The following COL25A1 variants were observed in gnomAD, a reference collection of about 807,000 sequenced individuals.
The protein encoded by COL25A1 is collagen alpha-1(XXV) chain.
A neutral mutation model predicts 128.4 loss-of-function variants in COL25A1; 103 were observed. The ratio of observed to expected loss-of-function variants is 0.80; its 90% CI spans 0.68 to 0.94. COL25A1 has a LOEUF of 0.94. COL25A1 is among the 40% of genes least tolerant of loss of function. COL25A1 has a pLI of 0.00. For synonymous variants in COL25A1, 279 were observed against 277.2 expected (o/e 1.01, Z -0.06); for missense variants, 745 against 840.0 (o/e 0.89, Z 1.40).
At chr4:109,000,649 G>A (rs1755253004) in intron 6 of COL25A1, among the ~76,000 whole-genome samples, 1 of 149,188 alleles carries the variant, frequency 6.7e-6, no homozygotes, top group Admixed American at 6.8e-5. Flanking sequence ...AGGAGGCTGA[G>A]GCAGGAGAAT....
At chr4:108,843,187 GAAGA>G (rs1734669854) in intron 30 of COL25A1, among the ~76,000 whole-genome samples, 1 of 146,256 alleles carries the variant, frequency 6.8e-6, no homozygotes, top group South Asian at 2.2e-4. Context: ...GAAGAAGAAA[GAAGA>G]AAGAAGAAGG....
intron 3 of COL25A1, among the ~76,000 whole-genome samples, chr4:109,132,071 A>G (rs1435320114): frequency 1.3e-5 from 2 of 152,184 alleles, no homozygotes; most frequent in African/African-American, 2.4e-5. Context: ...GAAAAATATT[A>G]GGTTTGAAAA....
chr4:109,034,700 G>A (rs1429486412), intron 5 of COL25A1, among the ~76,000 whole-genome samples: 1 of 152,136 alleles, frequency 6.6e-6, no homozygotes, highest in African/African-American at 2.4e-5. Context: ...ATATCCTTCT[G>A]AAAGATTCTT....
At chr4:109,044,518 C>G (rs1350885060) in intron 5 of COL25A1, among the ~76,000 whole-genome samples, 1 of 152,032 alleles carries the variant, frequency 6.6e-6, no homozygotes, top group Non-Finnish European at 1.5e-5. Flanking sequence ...TATTGGAGCA[C>G]ATTTCATAAT....
intron 30 of COL25A1, among the ~76,000 whole-genome samples, chr4:108,842,338 C>A (rs1241669278): frequency 1.3e-5 from 2 of 152,100 alleles, no homozygotes; most frequent in African/African-American, 4.8e-5. Flanking sequence ...TTCCTCAAAG[C>A]TCTTGTAATA....
At chr4:108,995,944 G>A (rs1202402178) in intron 6 of COL25A1, among the ~76,000 whole-genome samples, 3 of 152,082 alleles carry the variant, frequency 2.0e-5, no homozygotes, top group Non-Finnish European at 4.4e-5. Flanking sequence ...CACCAGGCCT[G>A]CCTTACAAAA....
At chr4:108,973,115 A>G (rs1752084955) in intron 8 of COL25A1, among the ~76,000 whole-genome samples, 1 of 152,190 alleles carries the variant, frequency 6.6e-6, no homozygotes, top group African/African-American at 2.4e-5. Context: ...GTAGAAAGAA[A>G]TGATACTCGA....
intron 6 of COL25A1, among the ~76,000 whole-genome samples, chr4:108,995,283 T>C (rs551075008): frequency 2.4e-4 from 37 of 152,306 alleles, no homozygotes; most frequent in Non-Finnish European, 4.4e-4. Context: ...AATGACCTGA[T>C]GGAGCTGAAA....
At chr4:109,251,412 T>C (rs923425002) in intron 3 of COL25A1, among the ~76,000 whole-genome samples, 3 of 152,178 alleles carry the variant, frequency 2.0e-5, no homozygotes, top group African/African-American at 4.8e-5. Flanking sequence ...GTTATTATAG[T>C]TTTCCATTGA....
chr4:108,890,755 T>G (rs1303401077), intron 16 of COL25A1, among the ~76,000 whole-genome samples: 1 of 152,182 alleles, frequency 6.6e-6, no homozygotes, highest in Non-Finnish European at 1.5e-5. Context: ...GGGGCCCATT[T>G]CCTTGTTCTA....
Position 109,179,218 on chromosome 4 carries a change from C to T in COL25A1, c.367+121365G>A, listed in dbSNP as rs375163980. 1.9e-4 allele frequency among the ~76,000 whole-genome samples: 29 copies of T among 152,282 alleles called. No individual in the cohort carries two copies. In the South Asian group the frequency reaches 5.6e-3, roughly 29 times the overall value. ...CTATTAAATCAACATCTCTGAGATGCCTCCAAGCTGGCAAGAGAAGCACAT... is the reference window on the plus strand; with the variant it reads ...CTATTAAATCAACATCTCTGAGATGTCTCCAAGCTGGCAAGAGAAGCACAT... On this transcript the variant is annotated intron_variant, in intron 3 of 37. Coordinates refer to ENST00000399132, the MANE Select transcript of COL25A1 (RefSeq NM_198721.4).
intron 5 of COL25A1, among the ~76,000 whole-genome samples, chr4:109,020,506 TGGG>T (rs70949064): frequency 0.19 from 23,203 of 123,812 alleles, 2,551 homozygotes; most frequent in African/African-American, 0.31. Context: ...GAGATTATTA[TGGG>T]GGGGGGGGGG....
intron 3 of COL25A1, among the ~76,000 whole-genome samples, chr4:109,061,720 T>G (rs1381768853): frequency 6.6e-6 from 1 of 152,194 alleles, no homozygotes; most frequent in East Asian, 1.9e-4. Context: ...CCAACTGAGT[T>G]TCATTGCCTC....
chr4:108,952,355 G>A (rs1400881359), intron 8 of COL25A1, among the ~76,000 whole-genome samples: 1 of 151,718 alleles, frequency 6.6e-6, no homozygotes, highest in Non-Finnish European at 1.5e-5. Context: ...TTCATGAAAT[G>A]AAAAAAATTC....
chr4:109,016,977 G>A (rs1420914114), intron 5 of COL25A1, among the ~76,000 whole-genome samples: 1 of 152,214 alleles, frequency 6.6e-6, no homozygotes, highest in African/African-American at 2.4e-5. Context: ...CATGTTGCGA[G>A]CACCAGAAAA....
At chr4:109,046,971 G>A (rs777713073) in intron 5 of COL25A1, among the ~76,000 whole-genome samples, 1 of 152,180 alleles carries the variant, frequency 6.6e-6, no homozygotes, top group Non-Finnish European at 1.5e-5. Context: ...GCTCAGAGCT[G>A]ACAAGATAAT....
In COL25A1 at chr4:108,933,637, T is replaced by C. The variant is rs1332495363; in HGVS notation, c.708+4171A>G. Among the ~76,000 whole-genome samples, 7 of 152,186 alleles carry C rather than the reference T, an allele frequency of 4.6e-5. No individual in the cohort carries two copies. The East Asian group carries it at 1.3e-3, about 29-fold the overall frequency. ...TATCACTAGACATTTGTTTTAATAG[T>C]AGTACTTCTCAATTATGGAACCCTT... is the stretch of plus-strand genomic sequence containing the variant. On this transcript the variant is annotated intron_variant, in intron 11 of 37. Transcript: ENST00000399132.
Position 109,031,272 on chromosome 4 carries a change from C to T in COL25A1, c.420+16896G>A, listed in dbSNP as rs1271106058. ...GACTACAGGCGCCTGCCACCGCGCC[C>T]GGCTAATTTTGTTTTTTGTATTTTT... On this transcript the variant is annotated intron_variant, in intron 5 of 37. Coordinates refer to ENST00000399132, the MANE Select transcript of COL25A1 (RefSeq NM_198721.4). Among the ~76,000 whole-genome samples, 8 of 151,778 alleles carry T rather than the reference C, an allele frequency of 5.3e-5. No homozygotes were observed. The East Asian group carries it at 1.4e-3, about 26-fold the overall frequency.
intron 24 of COL25A1, among the ~76,000 whole-genome samples, chr4:108,857,217 T>C (rs1172256916): frequency 6.6e-6 from 1 of 152,096 alleles, no homozygotes; most frequent in Non-Finnish European, 1.5e-5. Context: ...ATTTACAACA[T>C]TGCTAATAAA....
Sources: gnomAD v4.1 joint callset for allele counts (sites outside exome capture counted in the v4.1 genomes callset) on GRCh38, gnomAD v4.1.1 for gene constraint, MANE v1.5 for transcripts, NCBI Gene and HGNC (gene_info 2026-07-23, HGNC 2026-07-21) for gene names.